Variants in LONP2 observed in about 807,000 individuals in gnomAD.
LONP2 encodes lon protease homolog 2, peroxisomal.
LONP2 carries 60 observed loss-of-function variants against 85.6 expected under a neutral mutation model. That is an observed-to-expected ratio of 0.70 (90% CI 0.57 to 0.87). The LOEUF (loss-of-function observed/expected upper bound fraction) is 0.87, where lower values mean the gene tolerates loss of function less well. LONP2 is among the 40% of genes least tolerant of loss of function. LONP2 has a pLI of 0.00. For synonymous variants in LONP2, 395 were observed against 389.7 expected (o/e 1.01, Z -0.16); for missense variants, 860 against 1,063.5 (o/e 0.81, Z 2.66).
rs756038389 is a variant in LONP2 at position 48,270,215 on chromosome 16, A to T, written c.1182A>T (p.Arg394=). Residue 394 remains arginine, a synonymous_variant, in exon 7 of 15, where the codon CGA becomes CGT. Coordinates refer to ENST00000285737, the MANE Select transcript of LONP2 (RefSeq NM_031490.5). ...VGRSVAKTLG[R]EFHRIALGGV... ...GATCAGTGGCCAAGACTCTAGGTCG[A>T]GAGTTCCACAGGATTGCACTTGGAG... 312 of 1,614,046 alleles carry T rather than the reference A, an allele frequency of 1.9e-4. 1 individual carries two copies. Among genetic ancestry groups the T allele is most frequent in the South Asian group, 3.8e-4 (35 of 91,080 alleles).
At chr16:48,351,478 TTTA>T (rs1960144445) in intron 14 of LONP2, 100 bp from the exon 15 acceptor site, 1 of 869,002 alleles carries the variant, frequency 1.2e-6, no homozygotes. Flanking sequence ...ATTTGGATGT[TTTA>T]AAATAGTAGT....
Position 48,334,348 on chromosome 16 carries a change from A to T in LONP2, c.1928A>T (p.Tyr643Phe). Residue 643 changes from tyrosine to phenylalanine, a missense_variant, in exon 12 of 15, where the codon TAT becomes TTT. Coordinates refer to ENST00000285737, the MANE Select transcript of LONP2 (RefSeq NM_031490.5). The part of the protein sequence containing the change: ...ALKDILGPPM[Y>F]EMEVSQRLSQ... ...AAAGACATCCTTGGGCCCCCGATGTATGAAATGGAGGTGATTCATTCTTTT... is the reference window on the plus strand; with the variant it reads ...AAAGACATCCTTGGGCCCCCGATGTTTGAAATGGAGGTGATTCATTCTTTT... The T allele has an allele frequency of 6.2e-7, 1 of 1,614,172 alleles. No homozygotes were observed. The highest frequency in any genetic ancestry group is 1.1e-5 in the South Asian group (1 of 91,088).
chr16:48,248,368 C>T (rs1971521307), intron 1 of LONP2, among the ~76,000 whole-genome samples: 1 of 151,634 alleles, frequency 6.6e-6, no homozygotes, highest in African/African-American at 2.4e-5. Context: ...CCAAGTGATC[C>T]ACTTGCCTCG....
chr16:48,320,455 T>G (rs1374870833), intron 11 of LONP2, among the ~76,000 whole-genome samples: 2 of 152,110 alleles, frequency 1.3e-5, no homozygotes, highest in African/African-American at 4.8e-5. Context: ...AGGCACTGGC[T>G]CATTGGTACT....
At chr16:48,273,885 G>T (rs1350816794) in intron 7 of LONP2, among the ~76,000 whole-genome samples, 1 of 151,990 alleles carries the variant, frequency 6.6e-6, no homozygotes, top group Non-Finnish European at 1.5e-5. Context: ...AGAAATCCTT[G>T]TCTCAACTTT....
chr16:48,331,511 A>G (rs1445616580), intron 11 of LONP2, among the ~76,000 whole-genome samples: 2 of 152,234 alleles, frequency 1.3e-5, no homozygotes, highest in African/African-American at 4.8e-5. Flanking sequence ...ATATAACTCA[A>G]GACTTACATA....
intron 12 of LONP2, among the ~76,000 whole-genome samples, chr16:48,340,736 G>A (rs564503263): frequency 7.9e-5 from 12 of 151,584 alleles, no homozygotes; most frequent in South Asian, 4.2e-4. Context: ...CAAGGTGGGC[G>A]GATCGCTTGA....
chr16:48,299,912 C>A, intron 10 of LONP2, 124 bp downstream of exon 10: 1 of 972,118 alleles, frequency 1.0e-6, no homozygotes, highest in Non-Finnish European at 1.5e-6. Flanking sequence ...CCACAGTCTC[C>A]TGAAAAGGAG....
chr16:48,297,507 G>A (rs1462078600), intron 9 of LONP2, among the ~76,000 whole-genome samples: 1 of 151,754 alleles, frequency 6.6e-6, no homozygotes, highest in Non-Finnish European at 1.5e-5. Context: ...ACAGGGTTTC[G>A]CCATATTGGC....
chr16:48,277,431 C>T lies in LONP2; in HGVS notation c.1335C>T (p.Asp445=). ...NNPVFLLDEV[D]KLGKSLQGDP... ...CAGTGTTCCTATTAGATGAGGTTGACAAACTGGGAAAAAGTCTACAGGGTG... is the reference window on the plus strand; with the variant it reads ...CAGTGTTCCTATTAGATGAGGTTGATAAACTGGGAAAAAGTCTACAGGGTG... Residue 445 remains aspartate, a synonymous_variant, in exon 8 of 15, where the codon GAC becomes GAT. Transcript: ENST00000285737. The T allele has an allele frequency of 1.2e-6, 2 of 1,613,744 alleles. No homozygotes were observed.
downstream of LONP2, among the ~76,000 whole-genome samples, chr16:48,359,572 C>G (rs1002860965): frequency 6.6e-6 from 1 of 151,992 alleles, no homozygotes; most frequent in African/African-American, 2.4e-5. Context: ...AAAAATTGGC[C>G]GGGCATGGTG....
intron 12 of LONP2, among the ~76,000 whole-genome samples, chr16:48,335,058 T>A (rs894241329): frequency 2.0e-4 from 30 of 152,200 alleles, no homozygotes; most frequent in Non-Finnish European, 1.3e-4. Context: ...GAGCCAGAGA[T>A]CCCAGCCATA....
chr16:48,277,281 G>A (rs955791604), intron 7 of LONP2, 57 bp from the exon 8 acceptor site: 10 of 1,554,774 alleles, frequency 6.4e-6, no homozygotes, highest in African/African-American at 1.4e-5. Context: ...TTTCTGAATG[G>A]CGTCGCTCCT....
chr16:48,270,168 G>C lies in LONP2; in HGVS notation c.1135G>C (p.Val379Leu), dbSNP rs1433142691. Residue 379 changes from valine (V) to leucine (L), a missense_variant, in exon 7 of 15, where the codon GTT (valine) becomes CTT (leucine). Coordinates refer to ENST00000285737, the MANE Select transcript of LONP2 (RefSeq NM_031490.5). ...PILCFVGPPG[V>L]GKTSVGRSVA... ...CCTATGCTTTGTTGGCCCTCCTGGA[G>C]TTGGTAAAACAAGTGTGGGAAGATC... 6.2e-7 allele frequency: 1 copy of C among 1,613,946 alleles called. No homozygotes were observed. Among genetic ancestry groups the C allele is most frequent in the Non-Finnish European group, 8.5e-7 (1 of 1,179,994 alleles).
In LONP2 at chr16:48,244,562, C is replaced by T. The variant is rs1309099254; in HGVS notation, c.174C>T (p.Gly58=). 27 of 1,533,922 alleles carry T rather than the reference C, an allele frequency of 1.8e-5. No homozygotes were observed. The highest frequency in any genetic ancestry group is 2.0e-5 in the Non-Finnish European group (23 of 1,143,410). Residue 58 remains glycine (G), a synonymous_variant, in exon 1 of 15, where the codon GGC becomes GGT. Coordinates refer to ENST00000285737, the MANE Select transcript of LONP2 (RefSeq NM_031490.5). ...KGTSLQSTIL[G]VIPNTPDPAS... ...CGTCGCTGCAAAGCACCATCCTGGG[C>T]GTCATCCCCAACACGCCTGACCCCG...
intron 6 of LONP2, among the ~76,000 whole-genome samples, chr16:48,263,944 C>T (rs150720266): frequency 0.014 from 2,077 of 152,180 alleles, 48 homozygotes; most frequent in African/African-American, 0.047. Context: ...TTGGTAGGAT[C>T]CGTGATGCCC....
chr16:48,258,791 T>A (rs200443298), intron 4 of LONP2, 51 bp downstream of exon 4: 3 of 1,520,890 alleles, frequency 2.0e-6, no homozygotes, highest in Non-Finnish European at 2.7e-6. Flanking sequence ...ATAAGGAGAA[T>A]AAAGAGAGGA....
At chr16:48,277,514 C>A (rs1204883933) in intron 8 of LONP2, 35 bp downstream of exon 8, 1 of 1,602,908 alleles carries the variant, frequency 6.2e-7, no homozygotes, top group Admixed American at 1.7e-5. Flanking sequence ...TGTCTTCATA[C>A]TGGAAGAGTA....
chr16:48,256,468 A>T (rs1388189992), intron 2 of LONP2, 142 bp from the exon 3 acceptor site: 2 of 785,308 alleles, frequency 2.5e-6, no homozygotes, highest in East Asian at 5.4e-5. Context: ...TGAGGCCTGT[A>T]AAATACGTGG....
Sources: gnomAD v4.1 joint callset for allele counts (sites outside exome capture counted in the v4.1 genomes callset) on GRCh38, gnomAD v4.1.1 for gene constraint, MANE v1.5 for transcripts, NCBI Gene and HGNC (gene_info 2026-07-23, HGNC 2026-07-21) for gene names.